The following OSMR variants were observed in gnomAD, a reference collection of about 807,000 sequenced individuals.
OSMR encodes oncostatin-M-specific receptor subunit beta.
Under a neutral mutation model 99.9 loss-of-function variants are expected in OSMR, and 81 were observed. That is an observed-to-expected ratio of 0.81 (90% CI 0.68 to 0.97). The LOEUF (loss-of-function observed/expected upper bound fraction) is 0.97. OSMR is among the 50% of genes least tolerant of loss of function. The pLI, the probability that OSMR is intolerant of heterozygous loss-of-function variation, is 0.00. For synonymous variants in OSMR, 406 were observed against 410.4 expected (o/e 0.99, Z 0.13); for missense variants, 1,099 against 1,153.4 (o/e 0.95, Z 0.68).
At position 38,925,269 on chromosome 5, in the gene OSMR, C is replaced by G. The variant is rs749391857; in HGVS notation, c.2110C>G (p.Leu704Val). ...AGAAAAGGCATTGATTGTGGACAAC[C>G]TAAAGCCAGAATCCTTCTATGAGTT... ...PEEKALIVDN[L>V]KPESFYEFFI... The change falls in exon 15 of 18, where the codon CTA (leucine) becomes GTA (valine). Residue 704 changes from leucine to valine, a missense_variant. By Grantham distance (32) the Leu-to-Val change is conservative (BLOSUM62 1). Coordinates refer to ENST00000274276, the MANE Select transcript of OSMR (RefSeq NM_003999.3). The G allele has an allele frequency of 6.2e-7, 1 of 1,613,886 alleles. No individual in the cohort carries two copies. Among genetic ancestry groups the G allele is most frequent in the Admixed American group, 1.7e-5 (1 of 60,014 alleles).
chr5:38,917,333 C>A (rs927186795), intron 9 of OSMR: 1 of 770,406 alleles, frequency 1.3e-6, no homozygotes, highest in Non-Finnish European at 1.6e-6. Context: ...AGGCAGCTGA[C>A]CTTTTTATAA....
chr5:38,878,834 A>C (rs966625365), intron 3 of OSMR, among the ~76,000 whole-genome samples: 2 of 152,260 alleles, frequency 1.3e-5, no homozygotes, highest in Admixed American at 6.5e-5. Context: ...AAGACCACAA[A>C]GCAGAAGTTG....
Position 38,921,667 on chromosome 5 carries a change from T to C in OSMR, c.1638T>C (p.Ser546=), listed in dbSNP as rs1162988150. 2 of 1,614,172 alleles carry C rather than the reference T, an allele frequency of 1.2e-6. No individual in the cohort carries two copies. Among genetic ancestry groups the C allele is most frequent in the Non-Finnish European group, 1.7e-6 (2 of 1,180,020 alleles). The change falls in exon 12 of 18, where the codon TCT becomes TCC. Residue 546 remains serine (S), a synonymous_variant. Transcript: ENST00000274276. ...IAGTEGGFSL[S]WKPQPGDVIG... Reference sequence around the variant, plus strand: ...GCACAGAGGGTGGATTCTCTCTGTCTTGGAAACCCCAACCTGGAGATGTTA... The same window carrying C: ...GCACAGAGGGTGGATTCTCTCTGTCCTGGAAACCCCAACCTGGAGATGTTA...
chr5:38,910,257 A>T (rs1410608593), intron 9 of OSMR, among the ~76,000 whole-genome samples: 1 of 152,236 alleles, frequency 6.6e-6, no homozygotes, highest in Non-Finnish European at 1.5e-5. Context: ...AGAGACTTAG[A>T]TAGCCACATA....
At chr5:38,910,969 C>T (rs1278357396) in intron 9 of OSMR, among the ~76,000 whole-genome samples, 1 of 152,178 alleles carries the variant, frequency 6.6e-6, no homozygotes, top group Non-Finnish European at 1.5e-5. Context: ...GAGATTGCAT[C>T]ACTACACTCC....
At chr5:38,888,388 G>A (rs2112427865) in intron 7 of OSMR, among the ~76,000 whole-genome samples, 1 of 128,684 alleles carries the variant, frequency 7.8e-6, no homozygotes, top group Non-Finnish European at 1.6e-5. Context: ...GTTTCTAATG[G>A]CCAGCATTTG....
In OSMR at chr5:38,885,383, A is replaced by C; in HGVS notation, c.738A>C (p.Glu246Asp). Residue 246 changes from glutamate (E) to aspartate (D), a missense_variant, in exon 6 of 18, where the codon GAA becomes GAC. Coordinates refer to ENST00000274276, the MANE Select transcript of OSMR (RefSeq NM_003999.3). ...AGGAGCCCAAGGACTTTTCTTGTGAAACCGAGGACTTCAAGACTTTGCACT... is the reference window on the plus strand; with the variant it reads ...AGGAGCCCAAGGACTTTTCTTGTGACACCGAGGACTTCAAGACTTTGCACT... ...VLEEPKDFSC[E>D]TEDFKTLHCT... 6.2e-7 allele frequency: 1 copy of C among 1,613,756 alleles called. No homozygotes were observed. The highest frequency in any genetic ancestry group is 2.2e-5 in the East Asian group (1 of 44,876).
chr5:38,886,331 C>G, intron 7 of OSMR, 141 bp downstream of exon 7: 1 of 1,502,252 alleles, frequency 6.7e-7, no homozygotes, highest in South Asian at 1.3e-5. Context: ...ATTGTTCATG[C>G]CACGTTTCTC....
At chr5:38,922,751 G>A (rs13185542) in intron 12 of OSMR, among the ~76,000 whole-genome samples, 24,950 of 152,036 alleles carry the variant, frequency 0.16, 2,487 homozygotes, top group Admixed American at 0.24. Flanking sequence ...ATTATTAGGG[G>A]AGCACAAATT....
intron 7 of OSMR, 84 bp from the exon 8 acceptor site, chr5:38,903,798 A>G: frequency 6.5e-7 from 1 of 1,538,544 alleles, no homozygotes; most frequent in Non-Finnish European, 8.7e-7. Flanking sequence ...TTGAACAAAT[A>G]AATGAAGAAA....
rs552640692 is a variant in OSMR at position 38,876,067 on chromosome 5, G to A, written c.74-134G>A. On this transcript the variant is annotated intron_variant, in intron 2 of 17. Transcript: ENST00000274276. Reference sequence around the variant, plus strand: ...AAATTCTCTTCCAGATTTCCAAGGTGTCTGATTCTAGGATGCACATATGAG... The same window carrying A: ...AAATTCTCTTCCAGATTTCCAAGGTATCTGATTCTAGGATGCACATATGAG... 3.8e-6 allele frequency: 5 copies of A among 1,302,338 alleles called. No homozygotes were observed. The African/African-American group carries it at 7.5e-5, about 19-fold the overall frequency. The allele number at this position is 1,302,338 out of a possible 1,614,324, so 80.7% of individuals were successfully genotyped here.
At chr5:38,928,018 G>C (rs781399414) in intron 15 of OSMR, among the ~76,000 whole-genome samples, 1 of 152,164 alleles carries the variant, frequency 6.6e-6, no homozygotes, top group Non-Finnish European at 1.5e-5. Context: ...CTTTGCTCCA[G>C]TTCCCAACAA....
intron 7 of OSMR, among the ~76,000 whole-genome samples, chr5:38,900,096 G>A (rs1219828574): frequency 6.6e-6 from 1 of 152,170 alleles, no homozygotes; most frequent in African/African-American, 2.4e-5. Flanking sequence ...TCCGACTGCT[G>A]GGATGGGTGA....
At chr5:38,893,523 A>C (rs1334979261) in intron 7 of OSMR, among the ~76,000 whole-genome samples, 1 of 152,242 alleles carries the variant, frequency 6.6e-6, no homozygotes, top group Non-Finnish European at 1.5e-5. Context: ...TCACTTAAGG[A>C]ATTTCAAAAT....
intron 15 of OSMR, among the ~76,000 whole-genome samples, chr5:38,928,929 A>ATCTT (rs1746596711): frequency 1.3e-5 from 2 of 152,182 alleles, no homozygotes; most frequent in Non-Finnish European, 2.9e-5. Context: ...ACACACACTT[A>ATCTT]TCTTTAAATA....
intron 7 of OSMR, among the ~76,000 whole-genome samples, chr5:38,889,345 A>T (rs575704510): frequency 3.3e-5 from 5 of 152,082 alleles, no homozygotes; most frequent in African/African-American, 1.2e-4. Context: ...TTTCTCTTGA[A>T]TTACTTTTAT....
chr5:38,902,023 C>G (rs142010634), intron 7 of OSMR, among the ~76,000 whole-genome samples: 1 of 152,150 alleles, frequency 6.6e-6, no homozygotes, highest in Non-Finnish European at 1.5e-5. Context: ...TGGCATTTAG[C>G]CTGTGATAGT....
chr5:38,852,511 A>C (rs755513546), intron 1 of OSMR, among the ~76,000 whole-genome samples: 8 of 152,156 alleles, frequency 5.3e-5, no homozygotes, highest in Non-Finnish European at 1.2e-4. Context: ...AGACATACAC[A>C]GACATACACA....
intron 15 of OSMR, among the ~76,000 whole-genome samples, chr5:38,926,379 GA>G (rs1486246126): frequency 6.6e-6 from 1 of 152,178 alleles, no homozygotes; most frequent in Admixed American, 6.5e-5. Flanking sequence ...AACTGCCTGA[GA>G]GGGGGTAATT....
Sources: allele counts gnomAD v4.1 joint callset (sites outside exome capture counted in the v4.1 genomes callset), GRCh38; gene constraint gnomAD v4.1.1; transcripts MANE v1.5; gene names NCBI Gene and HGNC (gene_info 2026-07-23, HGNC 2026-07-21).